Variants in KCNK10 observed in about 807,000 individuals in gnomAD.
The protein encoded by KCNK10 is potassium channel subfamily K member 10.
KCNK10 carries 25 observed loss-of-function variants against 47.7 expected under a neutral mutation model. That is an observed-to-expected ratio of 0.52 (90% CI 0.38 to 0.73). The LOEUF (loss-of-function observed/expected upper bound fraction) is 0.73. Among genes scored for constraint, KCNK10 ranks in the 30% least tolerant of loss-of-function variants. The probability of loss-of-function intolerance (pLI) is 0.00; values close to 1 mark genes in which losing one functional copy is unlikely to be tolerated. For missense variants in KCNK10, 563 were observed against 714.5 expected (o/e 0.79, Z 2.42); for synonymous variants, 303 against 285.6 (o/e 1.06, Z -0.61).
intron 4 of KCNK10, among the ~76,000 whole-genome samples, chr14:88,196,338 G>A (rs1293164001): frequency 6.6e-6 from 1 of 152,214 alleles, no homozygotes; most frequent in African/African-American, 2.4e-5. Context: ...TTGAGAGAGG[G>A]ATGTATGGAC....
At chr14:88,253,623 G>A (rs191547758) in intron 2 of KCNK10, among the ~76,000 whole-genome samples, 96 of 152,200 alleles carry the variant, frequency 6.3e-4, no homozygotes, top group African/African-American at 2.2e-3. Context: ...ATCCTTAGCC[G>A]GCACAGTGGC....
At chr14:88,197,636 C>T (rs1884961029) in intron 4 of KCNK10, among the ~76,000 whole-genome samples, 1 of 113,102 alleles carries the variant, frequency 8.8e-6, no homozygotes, top group Non-Finnish European at 1.8e-5. Context: ...TGCAGGAAGA[C>T]TTTAATTAAA....
intron 1 of KCNK10, among the ~76,000 whole-genome samples, chr14:88,307,162 G>T (rs1048100879): frequency 6.6e-6 from 1 of 152,142 alleles, no homozygotes; most frequent in Non-Finnish European, 1.5e-5. Context: ...TTTCAAGATG[G>T]GTGGCCATGA....
At chr14:88,218,301 C>G (rs1329246738) in intron 4 of KCNK10, among the ~76,000 whole-genome samples, 1 of 152,224 alleles carries the variant, frequency 6.6e-6, no homozygotes. Flanking sequence ...CAGAGGCCTG[C>G]AGGAGTCTTT....
intron 4 of KCNK10, among the ~76,000 whole-genome samples, chr14:88,201,886 A>G (rs988081009): frequency 6.6e-6 from 1 of 152,208 alleles, no homozygotes; most frequent in Non-Finnish European, 1.5e-5. Flanking sequence ...TAGGCATCCC[A>G]AGGCTGTGAC....
chr14:88,240,333 T>C (rs980517751), intron 3 of KCNK10, among the ~76,000 whole-genome samples: 5 of 152,214 alleles, frequency 3.3e-5, no homozygotes, highest in Admixed American at 2.0e-4. Context: ...GGTCAGAATG[T>C]TACTGTTTTT....
At chr14:88,230,490 A>G (rs1285091173) in intron 3 of KCNK10, among the ~76,000 whole-genome samples, 1 of 152,232 alleles carries the variant, frequency 6.6e-6, no homozygotes, top group Non-Finnish European at 1.5e-5. Flanking sequence ...TGAGGAGTGC[A>G]CACAAAGGCT....
At chr14:88,303,126 T>TTAGACGACATAATATCTGCTGATGTGATC (rs1888137016) in intron 1 of KCNK10, among the ~76,000 whole-genome samples, 1 of 152,200 alleles carries the variant, frequency 6.6e-6, no homozygotes, top group Non-Finnish European at 1.5e-5. Flanking sequence ...TTCCCTGCTT[T>TTAGACGACATAATATCTGCTGATGTGATC]TAGACGACAT....
Position 88,310,250 on chromosome 14 carries a change from G to GATATAC in KCNK10, c.52+12496_52+12497insGTATAT, listed in dbSNP as rs1320071349. Among the ~76,000 whole-genome samples the GATATAC allele has an allele frequency of 4.1e-3, 69 of 17,016 alleles. 5 individuals carry two copies. Among genetic ancestry groups the GATATAC allele is most frequent in the African/African-American group, 0.023 (68 of 2,994 alleles). 11.2% of individuals were successfully genotyped at this position (17,016 alleles called of 152,430 possible). On this transcript the variant is annotated intron_variant, in intron 1 of 6. Transcript: ENST00000319231. ...ATATGATATACCATATAAATGATAT[G>GATATAC]CATTTATCATGGTATATCATAATTA... is the stretch of plus-strand genomic sequence containing the variant.
At chr14:88,284,666 T>C (rs1887725258) in intron 1 of KCNK10, among the ~76,000 whole-genome samples, 1 of 152,144 alleles carries the variant, frequency 6.6e-6, no homozygotes, top group African/African-American at 2.4e-5. Flanking sequence ...CATTCCACCT[T>C]CTTCTGCCTG....
intron 1 of KCNK10, among the ~76,000 whole-genome samples, chr14:88,292,259 C>T (rs954084860): frequency 2.0e-5 from 3 of 152,186 alleles, no homozygotes; most frequent in Non-Finnish European, 4.4e-5. Context: ...CAGCCACGGC[C>T]CCCGCCTTCC....
At chr14:88,284,241 G>A (rs896671317) in intron 1 of KCNK10, among the ~76,000 whole-genome samples, 4 of 151,982 alleles carry the variant, frequency 2.6e-5, no homozygotes, top group East Asian at 1.9e-4. Flanking sequence ...TTCTAGTGCC[G>A]GCTTTGCACT....
chr14:88,303,696 G>C (rs1888151723), intron 1 of KCNK10, among the ~76,000 whole-genome samples: 1 of 152,212 alleles, frequency 6.6e-6, no homozygotes, highest in South Asian at 2.1e-4. Flanking sequence ...TTCATCTAGA[G>C]AGGAATCAAG....
chr14:88,277,733 G>A (rs1248474168), intron 1 of KCNK10, among the ~76,000 whole-genome samples: 1 of 152,204 alleles, frequency 6.6e-6, no homozygotes, highest in Non-Finnish European at 1.5e-5. Flanking sequence ...AGGAAGGCAA[G>A]AGTCAGTGCT....
intron 6 of KCNK10, among the ~76,000 whole-genome samples, chr14:88,187,630 C>CT (rs1566677531): frequency 3.5e-5 from 5 of 142,966 alleles, no homozygotes; most frequent in African/African-American, 1.3e-4. Flanking sequence ...GCTGCACCCC[C>CT]CCACACACAC....
chr14:88,316,674 T>A (rs12879226), intron 1 of KCNK10, among the ~76,000 whole-genome samples: 43,188 of 152,112 alleles, frequency 0.28, 6,919 homozygotes, highest in African/African-American at 0.43. Flanking sequence ...ATCAGAGTAC[T>A]GAAAAAGATT....
intron 3 of KCNK10, among the ~76,000 whole-genome samples, chr14:88,233,393 A>C (rs1886208685): frequency 6.6e-6 from 1 of 152,230 alleles, no homozygotes; most frequent in African/African-American, 2.4e-5. Flanking sequence ...ATTTCCTCCA[A>C]AGCTCCGGCA....
At chr14:88,300,728 T>C (rs995402241) in intron 1 of KCNK10, among the ~76,000 whole-genome samples, 1 of 152,222 alleles carries the variant, frequency 6.6e-6, no homozygotes, top group Non-Finnish European at 1.5e-5. Context: ...AAGAAAATTG[T>C]TCAATCTGGA....
chr14:88,192,851 G>A (rs1225611664), intron 4 of KCNK10, among the ~76,000 whole-genome samples: 1 of 152,176 alleles, frequency 6.6e-6, no homozygotes, highest in Non-Finnish European at 1.5e-5. Flanking sequence ...TGATGGATTT[G>A]CACCGTTTCC....
Sources: allele counts gnomAD v4.1 joint callset (sites outside exome capture counted in the v4.1 genomes callset), GRCh38; gene constraint gnomAD v4.1.1; transcripts MANE v1.5; gene names NCBI Gene and HGNC (gene_info 2026-07-23, HGNC 2026-07-21).